The following MYO3A variants were observed in gnomAD, a reference collection of about 807,000 sequenced individuals.
MYO3A encodes myosin-IIIa.
In MYO3A, 180 loss-of-function variants were observed where a neutral mutation model predicts 192.7. The ratio of observed to expected loss-of-function variants is 0.93; its 90% CI spans 0.83 to 1.06. The LOEUF (loss-of-function observed/expected upper bound fraction) is 1.06, where lower values mean the gene tolerates loss of function less well. Among genes scored for constraint, MYO3A ranks in the 50% least tolerant of loss-of-function variants. The probability of loss-of-function intolerance (pLI) is 0.00; values close to 1 mark genes in which losing one functional copy is unlikely to be tolerated. For synonymous variants in MYO3A, 628 were observed against 645.3 expected (o/e 0.97, Z 0.41); for missense variants, 1,896 against 1,905.0 (o/e 1.00, Z 0.09).
chr10:25,949,710 AT>A (rs1837080698), intron 2 of MYO3A, among the ~76,000 whole-genome samples: 1 of 152,102 alleles, frequency 6.6e-6, no homozygotes, highest in African/African-American at 2.4e-5. Flanking sequence ...GAATCAGAAT[AT>A]GCTCTTTATT....
At chr10:26,150,484 A>G (rs1840732208) in intron 23 of MYO3A, among the ~76,000 whole-genome samples, 1 of 152,204 alleles carries the variant, frequency 6.6e-6, no homozygotes, top group Non-Finnish European at 1.5e-5. Flanking sequence ...GTTTTCAACT[A>G]CAAATTCAAT....
intron 14 of MYO3A, among the ~76,000 whole-genome samples, chr10:26,073,682 A>G (rs61840797): frequency 0.47 from 71,635 of 151,122 alleles, 17,870 homozygotes; most frequent in Middle Eastern, 0.59. Context: ...AATTATTTTT[A>G]GATGAAGCTC....
At chr10:25,942,539 A>G (rs1836566179) in intron 2 of MYO3A, among the ~76,000 whole-genome samples, 1 of 152,220 alleles carries the variant, frequency 6.6e-6, no homozygotes, top group Non-Finnish European at 1.5e-5. Flanking sequence ...AGCAGCTGCA[A>G]TATATTCCTG....
intron 4 of MYO3A, among the ~76,000 whole-genome samples, chr10:25,995,376 C>T (rs988230309): frequency 6.6e-6 from 1 of 152,188 alleles, no homozygotes; most frequent in African/African-American, 2.4e-5. Flanking sequence ...AAGGACTTCT[C>T]TGCATTGGTT....
intron 18 of MYO3A, among the ~76,000 whole-genome samples, chr10:26,121,857 G>T (rs532198093): frequency 7.2e-5 from 11 of 152,106 alleles, no homozygotes; most frequent in Non-Finnish European, 1.5e-4. Context: ...GTTTTAGGGG[G>T]CTAAGTGCCA....
intron 4 of MYO3A, among the ~76,000 whole-genome samples, chr10:25,986,651 C>T (rs1839672997): frequency 6.6e-6 from 1 of 151,986 alleles, no homozygotes; most frequent in South Asian, 2.1e-4. Context: ...ATATATCCAA[C>T]CAAGGATGTG....
intron 17 of MYO3A, among the ~76,000 whole-genome samples, chr10:26,113,850 G>A (rs546717649): frequency 2.4e-4 from 37 of 152,096 alleles, no homozygotes; most frequent in South Asian, 1.0e-3. Context: ...GAATCACTTC[G>A]AACTCTATGA....
chr10:26,178,900 C>T (rs997120947), intron 31 of MYO3A, among the ~76,000 whole-genome samples: 1 of 151,702 alleles, frequency 6.6e-6, no homozygotes. Context: ...CTCCCAGGTT[C>T]TCACCATTCT....
At chr10:26,110,719 G>C (rs7913502) in intron 17 of MYO3A, among the ~76,000 whole-genome samples, 48,113 of 151,906 alleles carry the variant, frequency 0.32, 7,823 homozygotes, top group Middle Eastern at 0.45. Flanking sequence ...TACATGCCAT[G>C]AGGTCTGCGT....
At chr10:26,125,689 T>C in intron 19 of MYO3A, 81 bp downstream of exon 19, 1 of 1,200,168 alleles carries the variant, frequency 8.3e-7, no homozygotes, top group Non-Finnish European at 1.2e-6. Context: ...TTTGTATAGA[T>C]CTCTTTCAAG....
At chr10:25,962,501 G>A (rs116774747) in intron 4 of MYO3A, among the ~76,000 whole-genome samples, 1,643 of 152,106 alleles carry the variant, frequency 0.011, 24 homozygotes, top group African/African-American at 0.036. Flanking sequence ...CAATATTTTA[G>A]GTTTTCCTAA....
chr10:26,112,179 CAT>C (rs1838228362), intron 17 of MYO3A, among the ~76,000 whole-genome samples: 1 of 152,156 alleles, frequency 6.6e-6, no homozygotes, highest in South Asian at 2.1e-4. Flanking sequence ...CAAATTTAAA[CAT>C]ATTCAATGCT....
chr10:26,005,079 A>C (rs966964441), intron 6 of MYO3A, among the ~76,000 whole-genome samples: 2 of 152,202 alleles, frequency 1.3e-5, no homozygotes, highest in African/African-American at 4.8e-5. Context: ...TTAATTACAA[A>C]AGAAAGAGGG....
At chr10:26,080,590 T>G (rs11014950) in intron 14 of MYO3A, among the ~76,000 whole-genome samples, 12,298 of 53,396 alleles carry the variant, frequency 0.23, 881 homozygotes, top group African/African-American at 0.27. Flanking sequence ...GTAATTTTTT[T>G]GGGGGGAGGC....
At chr10:26,108,787 T>TAA (rs1399652706) in intron 17 of MYO3A, among the ~76,000 whole-genome samples, 1 of 152,118 alleles carries the variant, frequency 6.6e-6, no homozygotes, top group East Asian at 1.9e-4. Context: ...TTACAGGAGG[T>TAA]GGGGACTGGG....
chr10:25,985,606 A>T (rs903079552), intron 4 of MYO3A, among the ~76,000 whole-genome samples: 1 of 152,200 alleles, frequency 6.6e-6, no homozygotes, highest in African/African-American at 2.4e-5. Context: ...GAGACAGATA[A>T]ATTCCTGGAA....
intron 4 of MYO3A, among the ~76,000 whole-genome samples, chr10:25,983,659 A>G (rs1839474569): frequency 6.6e-6 from 1 of 152,210 alleles, no homozygotes; most frequent in Non-Finnish European, 1.5e-5. Flanking sequence ...AAGAAGAGAA[A>G]TCTAAAAGTT....
At position 26,002,480 on chromosome 10, in the gene MYO3A, A is replaced by G. The variant is rs142430233; in HGVS notation, c.508+5222A>G. 1.1e-4 allele frequency among the ~76,000 whole-genome samples: 17 copies of G among 152,292 alleles called. No individual in the cohort carries two copies. In the East Asian group the frequency reaches 3.1e-3, roughly 28 times the overall value. ...TCGTTCCCCTATTGGCTAGGGTTAG[A>G]CCGCACAGGCTAAACTAATTCTGAT... is the stretch of plus-strand genomic sequence containing the variant. On this transcript the variant is annotated intron_variant, in intron 6 of 34. Coordinates refer to ENST00000642920, the MANE Select transcript of MYO3A (RefSeq NM_017433.5).
chr10:26,113,706 T>G (rs1838333820), intron 17 of MYO3A, among the ~76,000 whole-genome samples: 1 of 152,054 alleles, frequency 6.6e-6, no homozygotes, highest in Non-Finnish European at 1.5e-5. Context: ...TAAAAATAAT[T>G]CTGTGCTAGG....
Sources: allele counts gnomAD v4.1 joint callset (sites outside exome capture counted in the v4.1 genomes callset), GRCh38; gene constraint gnomAD v4.1.1; transcripts MANE v1.5; gene names NCBI Gene and HGNC (gene_info 2026-07-23, HGNC 2026-07-21).